The following MED24 variants were observed in gnomAD, a reference collection of about 807,000 sequenced individuals.
MED24 encodes mediator complex subunit 24.
In MED24, 74 loss-of-function variants were observed where a neutral mutation model predicts 118.8. The ratio of observed to expected loss-of-function variants is 0.62; its 90% CI spans 0.52 to 0.76. The LOEUF (loss-of-function observed/expected upper bound fraction) is 0.76. Among genes scored for constraint, MED24 ranks in the 30% least tolerant of loss-of-function variants. MED24 has a pLI of 0.00. For synonymous variants in MED24, 521 were observed against 523.9 expected, an observed-to-expected ratio of 0.99 and a Z score of 0.08; for missense variants, 1,041 against 1,278.9, an observed-to-expected ratio of 0.81 and a Z score of 2.84.
chr17:40,050,379 G>A (rs1012102363), intron 3 of MED24, among the ~76,000 whole-genome samples: 3 of 151,924 alleles, frequency 2.0e-5, no homozygotes, highest in Non-Finnish European at 2.9e-5. Context: ...CCCAGGAGGT[G>A]GAGGTCACAG....
At chr17:40,048,341 C>A (rs981434352) in intron 3 of MED24, among the ~76,000 whole-genome samples, 1 of 152,148 alleles carries the variant, frequency 6.6e-6, no homozygotes, top group Non-Finnish European at 1.5e-5. Flanking sequence ...TACTGTTTAC[C>A]TTTTTGCTCT....
intron 3 of MED24, among the ~76,000 whole-genome samples, chr17:40,044,002 G>A (rs1598364737): frequency 6.7e-6 from 1 of 150,276 alleles, no homozygotes; most frequent in African/African-American, 2.4e-5. Flanking sequence ...GGTGGCACCC[G>A]CCCATAGTCC....
At chr17:40,039,098 C>A (rs1984267210) in intron 3 of MED24, among the ~76,000 whole-genome samples, 1 of 152,212 alleles carries the variant, frequency 6.6e-6, no homozygotes, top group Non-Finnish European at 1.5e-5. Context: ...CACTGACCCT[C>A]AAATGCCGGG....
rs1598350264 is a variant in MED24, at chr17:40,033,554, G to A, written c.560-98C>T. 7 of 938,972 alleles carry A rather than the reference G, an allele frequency of 7.5e-6. No homozygotes were observed. Among genetic ancestry groups the A allele is most frequent in the South Asian group, 4.2e-5 (3 of 71,620 alleles). 58.2% of individuals were successfully genotyped at this position (938,972 alleles called of 1,614,324 possible). ...GATTTTGGCACTCCCTCCGGCACAC[G>A]AAACCACACAGGAAGGCTTCCCCTG... On this transcript the variant is annotated intron_variant, in intron 6 of 25. Coordinates refer to ENST00000394128, the MANE Select transcript of MED24 (RefSeq NM_014815.4). This position sits in a 1 kb window ranked among gnomAD's most constrained non-coding sequence, Gnocchi z 5.2.
At chr17:40,052,512 T>C (rs1372917872) in intron 3 of MED24, among the ~76,000 whole-genome samples, 1 of 152,186 alleles carries the variant, frequency 6.6e-6, no homozygotes, top group Non-Finnish European at 1.5e-5. Flanking sequence ...ACAGCTATAT[T>C]CCCCAGGGGC....
intron 12 of MED24, 110 bp from the exon 13 acceptor site, chr17:40,029,969 G>GTAAGA: frequency 1.1e-6 from 1 of 898,336 alleles, no homozygotes; most frequent in Non-Finnish European, 1.8e-6. Flanking sequence ...TGGGAAGCAT[G>GTAAGA]TAAGAACCTC....
In MED24 at chr17:40,022,819, A is replaced by G. The variant is rs1391968197; in HGVS notation, c.2258T>C (p.Leu753Pro). The change falls in exon 21 of 26, where the codon CTG becomes CCG. Residue 753 changes from leucine (L) to proline (P), a missense_variant. By Grantham distance (98) the Leu-to-Pro change is moderately conservative (BLOSUM62 -3). Coordinates refer to ENST00000394128, the MANE Select transcript of MED24 (RefSeq NM_014815.4). ...WFCNNLIKEL[L>P]KETRKEHTLR... ...CGTGTGCTCCTTCCGCGTCTCCTTC[A>G]GCAGCTCCTAGTGCGCAGGAAAGGG... 6.2e-7 allele frequency: 1 copy of G among 1,613,186 alleles called. No homozygotes were observed. Among genetic ancestry groups the G allele is most frequent in the Non-Finnish European group, 8.5e-7 (1 of 1,179,918 alleles).
At chr17:40,050,591 G>A (rs1362638414) in intron 3 of MED24, among the ~76,000 whole-genome samples, 1 of 152,132 alleles carries the variant, frequency 6.6e-6, no homozygotes, top group Non-Finnish European at 1.5e-5. Context: ...CTCCAGCCTG[G>A]GCGACAGAGC....
rs773089849 is a variant in MED24 at position 40,029,841 on chromosome 17, G to A, written c.1173C>T (p.His391=). ...TCTCTCCCGATTTCTGCTGGGGTGC[G>A]TGCTCTCGGTCCGCTTTGCTGTGGA... ...LMAKRKADRE[H]APQQKSGENA... Residue 391 remains histidine, a synonymous_variant, in exon 13 of 26, where the codon CAC becomes CAT. Coordinates refer to ENST00000394128, the MANE Select transcript of MED24 (RefSeq NM_014815.4). 30 of 1,614,100 alleles carry A rather than the reference G, an allele frequency of 1.9e-5. No individual in the cohort carries two copies. The highest frequency in any genetic ancestry group is 3.3e-5 in the Admixed American group (2 of 60,018).
intron 11 of MED24, 60 bp from the exon 12 acceptor site, chr17:40,031,305 A>T (rs1251507670): frequency 6.8e-7 from 1 of 1,467,892 alleles, no homozygotes; most frequent in Non-Finnish European, 9.3e-7. Context: ...GAGGGGTGGG[A>T]GTGGCAGGTC....
intron 3 of MED24, among the ~76,000 whole-genome samples, chr17:40,044,347 C>T (rs1422810824): frequency 1.3e-5 from 2 of 151,732 alleles, no homozygotes; most frequent in Non-Finnish European, 2.9e-5. Context: ...TGGAGAATCC[C>T]CGTATCTACT....
intron 13 of MED24, 53 bp downstream of exon 13, chr17:40,029,695 G>C (rs938221644): frequency 2.7e-5 from 40 of 1,500,814 alleles, no homozygotes; most frequent in Non-Finnish European, 3.2e-5. Context: ...AGCAGATGGA[G>C]CACTGGAAAG....
rs1186484109 is a variant in MED24 at position 40,027,148 on chromosome 17, A to G, written c.1531-114T>C. 4.5e-6 allele frequency: 6 copies of G among 1,346,402 alleles called. No homozygotes were observed. In the African/African-American group the frequency reaches 5.9e-5, roughly 13 times the overall value. 83.4% of individuals were successfully genotyped at this position (1,346,402 alleles called of 1,614,324 possible). On this transcript the variant is annotated intron_variant, in intron 16 of 25. Coordinates refer to ENST00000394128, the MANE Select transcript of MED24 (RefSeq NM_014815.4). ...GCTGCTGCTCCAGCCCAGCCCAAAG[A>G]CTGGGGACGAACTGGTCTAAGGGAG... is the stretch of plus-strand genomic sequence containing the variant.
In MED24 at chr17:40,031,210, C is replaced by G. The variant is rs1176611107; in HGVS notation, c.1103G>C (p.Gly368Ala). ...DCTNFLLQEC[G>A]KQGLLSEASV... ...GGCCTCAGACAGAAGCCCCTGCTTG[C>G]CACATTCTTGGAGCAGGAAGTTTGT... The change falls in exon 12 of 26, where the codon GGC (glycine) becomes GCC (alanine). Residue 368 changes from glycine to alanine, a missense_variant. Around this residue, in one of 3 missense-constraint regions of MED24, gnomAD observed 434 missense variants for 514.9 expected, o/e 0.84. Coordinates refer to ENST00000394128, the MANE Select transcript of MED24 (RefSeq NM_014815.4). 6.4e-7 allele frequency: 1 copy of G among 1,573,798 alleles called. No individual in the cohort carries two copies. The highest frequency in any genetic ancestry group is 1.2e-5 in the South Asian group (1 of 85,626).
At chr17:40,029,058 C>T in intron 13 of MED24, 90 bp from the exon 14 acceptor site, 2 of 1,545,784 alleles carry the variant, frequency 1.3e-6, no homozygotes, top group Non-Finnish European at 8.9e-7. Flanking sequence ...TCTTCACAAC[C>T]TGGAATGTAA....
At chr17:40,032,010 G>C in intron 10 of MED24, 33 bp downstream of exon 10, 10 of 1,607,216 alleles carry the variant, frequency 6.2e-6, no homozygotes, top group Non-Finnish European at 8.5e-6. Flanking sequence ...CCTTATTTCT[G>C]CTCCCATGCC....
intron 19 of MED24, among the ~76,000 whole-genome samples, chr17:40,024,805 G>A (rs1450347446): frequency 6.6e-6 from 1 of 152,088 alleles, no homozygotes; most frequent in South Asian, 2.1e-4. Context: ...GCGTGATCTC[G>A]GCTCACTGCA....
chr17:40,038,445 G>A (rs1307343055), intron 3 of MED24, among the ~76,000 whole-genome samples: 2 of 152,086 alleles, frequency 1.3e-5, no homozygotes, highest in African/African-American at 2.4e-5. Flanking sequence ...GGGTGCAGTC[G>A]CTCACGCCTG....
At position 40,031,528 on chromosome 17, in the gene MED24, G is replaced by A. The variant is rs374155726; in HGVS notation, c.1067+10C>T. ...TCCAGTAGGGCGGGGGTGACCAGGG[G>A]AGCTCATACTTGCAGCGCTGGTCAG... On this transcript the variant is annotated intron_variant, in intron 11 of 25. Transcript: ENST00000394128. The A allele has an allele frequency of 1.2e-5, 20 of 1,612,626 alleles. No homozygotes were observed. Among genetic ancestry groups the A allele is most frequent in the Admixed American group, 1.7e-5 (1 of 59,980 alleles).
Sources: allele counts gnomAD v4.1 joint callset (sites outside exome capture counted in the v4.1 genomes callset), GRCh38; gene constraint gnomAD v4.1.1; regional missense constraint gnomAD v4.1.1; non-coding constraint Gnocchi (gnomAD v3.1); transcripts MANE v1.5; gene names NCBI Gene and HGNC (gene_info 2026-07-23, HGNC 2026-07-21).